PCDHA1: variants seen among roughly 807,000 people sequenced by gnomAD.
The protein encoded by PCDHA1 is protocadherin alpha-1.
In PCDHA1, 42 loss-of-function variants were observed where a neutral mutation model predicts 61.3. The ratio of observed to expected loss-of-function variants is 0.69; its 90% CI spans 0.54 to 0.89. PCDHA1 has a LOEUF of 0.89. PCDHA1 is among the 40% of genes least tolerant of loss of function. The pLI, the probability that PCDHA1 is intolerant of heterozygous loss-of-function variation, is 0.00. For synonymous variants in PCDHA1, 610 were observed against 553.8 expected (o/e 1.10, Z -1.43); for missense variants, 1,256 against 1,235.3 (o/e 1.02, Z -0.25).
At chr5:140,941,255 C>CTTTCTTTCTTTCTTTCTT (rs782490896) in intron 1 of PCDHA1, among the ~76,000 whole-genome samples, 39 of 44,506 alleles carry the variant, frequency 8.8e-4, no homozygotes, top group Middle Eastern at 0.012. Flanking sequence ...TTCTTTCTTT[C>CTTTCTTTCTTTCTTTCTT]TCTTTCTTTC....
chr5:140,817,444 A>G (rs1393143626), intron 1 of PCDHA1: 3 of 152,250 alleles, frequency 2.0e-5, no homozygotes, highest in Non-Finnish European at 2.9e-5. Context: ...GGGGATTCCT[A>G]TAACAGCATC....
intron 1 of PCDHA1, among the ~76,000 whole-genome samples, chr5:140,844,874 A>G (rs1300687011): frequency 6.7e-6 from 1 of 149,392 alleles, no homozygotes; most frequent in Non-Finnish European, 1.5e-5. Context: ...TTAAATACCC[A>G]TTAGACTTCG....
chr5:140,835,538 T>A, intron 1 of PCDHA1: 1 of 1,613,946 alleles, frequency 6.2e-7, no homozygotes, highest in African/African-American at 1.3e-5. Context: ...ACGGACAGGT[T>A]ACCTGCTCCC....
chr5:140,922,409 C>A (rs1335922543), intron 1 of PCDHA1, among the ~76,000 whole-genome samples: 2 of 152,154 alleles, frequency 1.3e-5, no homozygotes, highest in Non-Finnish European at 2.9e-5. Context: ...TTAAAAAGAT[C>A]TAGGTACAGA....
chr5:140,842,293 C>T, intron 1 of PCDHA1: 1 of 1,609,994 alleles, frequency 6.2e-7, no homozygotes, highest in South Asian at 1.1e-5. Flanking sequence ...ACGCCACGGA[C>T]AAAGGCCATC....
chr5:140,900,214 T>C (rs782509259), intron 1 of PCDHA1, among the ~76,000 whole-genome samples: 3 of 152,216 alleles, frequency 2.0e-5, no homozygotes, highest in Non-Finnish European at 4.4e-5. Flanking sequence ...ATCCAGGTTG[T>C]TGCAAATGAC....
intron 1 of PCDHA1, among the ~76,000 whole-genome samples, chr5:140,844,353 G>A (rs1249392344): frequency 6.7e-6 from 1 of 148,820 alleles, no homozygotes; most frequent in Admixed American, 6.7e-5. Context: ...AAATCAAGAG[G>A]GAAGAGATTT....
At chr5:140,863,243 C>G (rs868910592) in intron 1 of PCDHA1, 1 of 1,351,802 alleles carries the variant, frequency 7.4e-7, no homozygotes, top group Non-Finnish European at 1.0e-6. Context: ...CGGGCTTTGG[C>G]GGGCGTCGAG....
chr5:140,793,543 T>A (rs1411984978), intron 1 of PCDHA1, among the ~76,000 whole-genome samples: 1 of 152,200 alleles, frequency 6.6e-6, no homozygotes, highest in African/African-American at 2.4e-5. Context: ...ACATTGCAAA[T>A]TTTGCAATTA....
In PCDHA1 at chr5:140,803,346, CT is replaced by C. The variant is rs781805897; in HGVS notation, c.2394+14663del. 6 of 1,614,078 alleles carry C rather than the reference CT, an allele frequency of 3.7e-6. No individual in the cohort carries two copies. In the Admixed American group the frequency reaches 8.3e-5, roughly 22 times the overall value. ...CAGTCTGTTGGTGCTCACACTGCTG[CT>C]ATATACTGCTCTGCGGTGCTCCGCG... On this transcript the variant is annotated intron_variant, in intron 1 of 3. Coordinates refer to ENST00000504120, the MANE Select transcript of PCDHA1 (RefSeq NM_018900.4).
chr5:140,817,496 T>C (rs2150047140), intron 1 of PCDHA1: 1 of 152,366 alleles, frequency 6.6e-6, no homozygotes, highest in African/African-American at 2.4e-5. Context: ...AAGCTATATA[T>C]GCTTTTACAA....
At chr5:140,929,721 ATTTAC>A in intron 1 of PCDHA1, 2 of 222,496 alleles carry the variant, frequency 9.0e-6, no homozygotes, top group Non-Finnish European at 9.4e-6. Context: ...AAGGTGAAAC[ATTTAC>A]TTAAACTATT....
chr5:140,989,745 C>A (rs1554251059), intron 3 of PCDHA1, among the ~76,000 whole-genome samples: 2 of 152,154 alleles, frequency 1.3e-5, no homozygotes, highest in African/African-American at 4.8e-5. Context: ...ATTGCCTAAT[C>A]TGGAGAAACA....
intron 1 of PCDHA1, chr5:140,829,368 C>A (rs2150166554): frequency 1.2e-6 from 2 of 1,614,092 alleles, no homozygotes; most frequent in African/African-American, 2.7e-5. Context: ...TTGGTGGTAA[C>A]CGCGCGGGAC....
intron 1 of PCDHA1, among the ~76,000 whole-genome samples, chr5:140,892,776 T>C (rs2063665865): frequency 6.6e-6 from 1 of 152,224 alleles, no homozygotes; most frequent in East Asian, 1.9e-4. Flanking sequence ...TTCTAGCTTC[T>C]TGAAAATATG....
At chr5:140,838,089 T>C (rs1418087315) in intron 1 of PCDHA1, among the ~76,000 whole-genome samples, 2 of 121,978 alleles carry the variant, frequency 1.6e-5, no homozygotes, top group East Asian at 4.2e-4. Flanking sequence ...TGTGTGTGTG[T>C]GTGTGTGTGT....
intron 1 of PCDHA1, chr5:140,804,504 T>A (rs1332634114): frequency 6.6e-6 from 1 of 152,168 alleles, no homozygotes; most frequent in Non-Finnish European, 1.5e-5. Flanking sequence ...TATCTAATTT[T>A]AAAACTATCC....
intron 1 of PCDHA1, chr5:140,843,832 T>C (rs1176599211): frequency 8.9e-7 from 1 of 1,120,192 alleles, no homozygotes; most frequent in Non-Finnish European, 1.3e-6. Flanking sequence ...AAACATTGTT[T>C]AGTTTTTAGA....
chr5:140,875,388 G>A, intron 1 of PCDHA1: 5 of 1,468,696 alleles, frequency 3.4e-6, no homozygotes, highest in Non-Finnish European at 4.5e-6. Flanking sequence ...TGTACTTACA[G>A]AAAAGGGTGA....
Sources: allele counts gnomAD v4.1 joint callset (sites outside exome capture counted in the v4.1 genomes callset), GRCh38; gene constraint gnomAD v4.1.1; transcripts MANE v1.5; gene names NCBI Gene and HGNC (gene_info 2026-07-23, HGNC 2026-07-21).